The following OXCT1 variants were observed in gnomAD, a reference collection of about 807,000 sequenced individuals.
OXCT1 encodes the protein succinyl-CoA:3-ketoacid coenzyme A transferase 1, mitochondrial.
A neutral mutation model predicts 69.6 loss-of-function variants in OXCT1; 27 were observed. That is an observed-to-expected ratio of 0.39 (90% CI 0.29 to 0.54). OXCT1 has a LOEUF of 0.54. Among genes scored for constraint, OXCT1 ranks in the 20% least tolerant of loss-of-function variants. The pLI is 0.72. For synonymous variants in OXCT1, 202 were observed against 217.8 expected (o/e 0.93, Z 0.64); for missense variants, 437 against 650.2 (o/e 0.67, Z 3.57).
chr5:41,859,891 T>TATATATATA (rs1749652934), intron 3 of OXCT1, among the ~76,000 whole-genome samples: 1 of 114,214 alleles, frequency 8.8e-6, no homozygotes, highest in Admixed American at 9.3e-5. Context: ...ATATATGTAA[T>TATATATATA]ATATATATAT....
At chr5:41,808,523 T>C (rs1746797683) in intron 7 of OXCT1, among the ~76,000 whole-genome samples, 1 of 152,078 alleles carries the variant, frequency 6.6e-6, no homozygotes. Context: ...TGCTCACAAA[T>C]AGCTGAAAAA....
At position 41,863,455 on chromosome 5, in the gene OXCT1, C is replaced by T. The variant is rs143699598; in HGVS notation, c.79-705G>A. Among the ~76,000 whole-genome samples, 92 of 152,206 alleles carry T rather than the reference C, an allele frequency of 6.0e-4. 2 individuals are homozygous for T. The East Asian group carries it at 0.018, about 29-fold the overall frequency. On this transcript the variant is annotated intron_variant, in intron 1 of 16. Transcript: ENST00000196371. Reference sequence around the variant, plus strand: ...ATCCTTTGACCAACATCTCACCAACCCCTCACCCCCAGCCTCCATAACCAC... The same window carrying T: ...ATCCTTTGACCAACATCTCACCAACTCCTCACCCCCAGCCTCCATAACCAC...
intron 13 of OXCT1, among the ~76,000 whole-genome samples, chr5:41,788,792 A>C (rs1436526355): frequency 6.6e-6 from 1 of 152,204 alleles, no homozygotes; most frequent in Non-Finnish European, 1.5e-5. Flanking sequence ...TCCAATTGGC[A>C]CTTACAGAAC....
intron 10 of OXCT1, 22 bp from the exon 11 acceptor site, chr5:41,801,092 C>G (rs1267938090): frequency 6.4e-7 from 1 of 1,569,006 alleles, no homozygotes; most frequent in Non-Finnish European, 8.8e-7. Context: ...AACATACATT[C>G]AATTAGTAAA....
chr5:41,803,984 T>C (rs1194048690), intron 9 of OXCT1, among the ~76,000 whole-genome samples: 1 of 151,984 alleles, frequency 6.6e-6, no homozygotes, highest in East Asian at 1.9e-4. Context: ...CCAGAACTAG[T>C]ACAAAGAATG....
chr5:41,802,839 G>C (rs575806753), intron 10 of OXCT1, among the ~76,000 whole-genome samples: 77 of 152,058 alleles, frequency 5.1e-4, no homozygotes, highest in Middle Eastern at 3.4e-3. Flanking sequence ...ATTTTATCAT[G>C]ATAAAAAGAA....
intron 14 of OXCT1, among the ~76,000 whole-genome samples, chr5:41,750,116 C>T (rs1028214071): frequency 4.8e-5 from 7 of 145,492 alleles, no homozygotes; most frequent in Non-Finnish European, 1.0e-4. Context: ...AACTGGAATC[C>T]ATTCTAGTGT....
rs138727644 is a variant in OXCT1 at position 41,742,861 on chromosome 5, C to G, written c.1420-3370G>C. ...CCATGGTGTATATGTGCCGCATTTT[C>G]TTAATCCAGTCTATCATTGATGGGC... is the stretch of plus-strand genomic sequence containing the variant. On this transcript the variant is annotated intron_variant, in intron 15 of 16. Transcript: ENST00000196371. Among the ~76,000 whole-genome samples, 1,064 of 152,264 alleles carry G rather than the reference C, an allele frequency of 7.0e-3. 11 individuals are homozygous for G. Among genetic ancestry groups the G allele is most frequent in the African/African-American group, 0.024 (1,014 of 41,540 alleles).
chr5:41,796,748 A>T (rs929612393), intron 11 of OXCT1, among the ~76,000 whole-genome samples: 1 of 152,232 alleles, frequency 6.6e-6, no homozygotes, highest in African/African-American at 2.4e-5. Flanking sequence ...GGGCTTTTAA[A>T]CAGCATGTAA....
At chr5:41,830,715 C>T (rs191452312) in intron 7 of OXCT1, among the ~76,000 whole-genome samples, 2 of 152,124 alleles carry the variant, frequency 1.3e-5, no homozygotes. Flanking sequence ...ACAGAAGCTT[C>T]ATTTTTCTTC....
At chr5:41,755,430 TA>T (rs1744016610) in intron 14 of OXCT1, among the ~76,000 whole-genome samples, 2 of 152,086 alleles carry the variant, frequency 1.3e-5, no homozygotes, top group African/African-American at 4.8e-5. Context: ...GAAAGAATTA[TA>T]CGCTTTTATA....
intron 13 of OXCT1, among the ~76,000 whole-genome samples, chr5:41,782,210 G>A (rs1745438805): frequency 1.3e-5 from 2 of 150,200 alleles, no homozygotes; most frequent in Non-Finnish European, 3.0e-5. Flanking sequence ...AATGATCAGT[G>A]ATGTTGAGCT....
At chr5:41,813,301 T>C (rs1747077019) in intron 7 of OXCT1, among the ~76,000 whole-genome samples, 1 of 151,984 alleles carries the variant, frequency 6.6e-6, no homozygotes, top group Admixed American at 6.6e-5. Context: ...GGTAGACAAA[T>C]ACTTGAAGAA....
intron 7 of OXCT1, among the ~76,000 whole-genome samples, chr5:41,831,206 T>C (rs1431393512): frequency 6.6e-6 from 1 of 152,190 alleles, no homozygotes; most frequent in Admixed American, 6.5e-5. Flanking sequence ...CCTATGACCA[T>C]GCAATGAAAA....
intron 14 of OXCT1, among the ~76,000 whole-genome samples, chr5:41,753,992 T>C (rs6451581): frequency 0.39 from 58,908 of 151,892 alleles, 14,151 homozygotes; most frequent in African/African-American, 0.68. Flanking sequence ...GATAAAGGTG[T>C]GATAAAAGGA....
intron 7 of OXCT1, among the ~76,000 whole-genome samples, chr5:41,808,495 A>G (rs1042490261): frequency 6.6e-6 from 1 of 152,112 alleles, no homozygotes; most frequent in Admixed American, 6.6e-5. Context: ...TACAGAAGAC[A>G]TTTTACTTAT....
At chr5:41,859,907 T>TATGTAATATATATATATATACAC (rs1304074270) in intron 3 of OXCT1, among the ~76,000 whole-genome samples, 1 of 138,480 alleles carries the variant, frequency 7.2e-6, no homozygotes, top group African/African-American at 2.7e-5. Flanking sequence ...TATATATATA[T>TATGTAATATATATATATATACAC]ACACACACAC....
At chr5:41,817,089 T>C (rs1579800626) in intron 7 of OXCT1, among the ~76,000 whole-genome samples, 1 of 152,110 alleles carries the variant, frequency 6.6e-6, no homozygotes, top group South Asian at 2.1e-4. Context: ...CTCAACACCA[T>C]ATTTGAAAAC....
At chr5:41,749,050 AAG>A (rs949175038) in intron 15 of OXCT1, among the ~76,000 whole-genome samples, 1 of 151,998 alleles carries the variant, frequency 6.6e-6, no homozygotes, top group African/African-American at 2.4e-5. Context: ...TACTCTATAA[AAG>A]AGAGCAGAAA....
Sources: gnomAD v4.1 joint callset for allele counts (sites outside exome capture counted in the v4.1 genomes callset) on GRCh38, gnomAD v4.1.1 for gene constraint, MANE v1.5 for transcripts, NCBI Gene and HGNC (gene_info 2026-07-23, HGNC 2026-07-21) for gene names.